Variants in BMAL2 observed in about 807,000 individuals in gnomAD.
BMAL2 encodes the protein basic helix-loop-helix ARNT-like protein 2.
chr12:27,413,243 G>C, the BMAL2 span, among the ~76,000 whole-genome samples: 1 of 152,150 alleles, frequency 6.6e-6, no homozygotes, highest in Non-Finnish European at 1.5e-5. Context: ...CTCTAATACT[G>C]TAATGGTAGT....
At chr12:27,392,283 C>T in the BMAL2 span, among the ~76,000 whole-genome samples, 1 of 152,186 alleles carries the variant, frequency 6.6e-6, no homozygotes. Flanking sequence ...ACGTGCTTAG[C>T]CTGGTTCCCA....
the BMAL2 span, among the ~76,000 whole-genome samples, chr12:27,414,290 A>G: frequency 2.6e-5 from 4 of 152,224 alleles, no homozygotes; most frequent in Admixed American, 1.3e-4. Flanking sequence ...AACAACATCA[A>G]TATGGAAACA....
the BMAL2 span, among the ~76,000 whole-genome samples, chr12:27,363,870 C>CT: frequency 1.3e-5 from 2 of 152,070 alleles, no homozygotes; most frequent in Admixed American, 1.3e-4. Context: ...TTGGGAATTT[C>CT]TTTCTATGAA....
chr12:27,364,116 C>T, the BMAL2 span, among the ~76,000 whole-genome samples: 2 of 151,924 alleles, frequency 1.3e-5, no homozygotes, highest in Non-Finnish European at 2.9e-5. Flanking sequence ...AAGGAATGGA[C>T]GGGACAAACT....
chr12:27,334,757 G>A, the BMAL2 span, among the ~76,000 whole-genome samples: 1 of 152,216 alleles, frequency 6.6e-6, no homozygotes, highest in Non-Finnish European at 1.5e-5. Context: ...TTAATTAAGG[G>A]TAGCAATGTT....
the BMAL2 span, among the ~76,000 whole-genome samples, chr12:27,416,192 C>G: frequency 6.6e-6 from 1 of 152,164 alleles, no homozygotes; most frequent in African/African-American, 2.4e-5. Context: ...TACTTAAACT[C>G]TCTGTGCCTC....
chr12:27,355,115 C>T, the BMAL2 span, among the ~76,000 whole-genome samples: 1 of 152,162 alleles, frequency 6.6e-6, no homozygotes, highest in Non-Finnish European at 1.5e-5. Context: ...CGTTATTCCT[C>T]ACTGTCATTT....
At chr12:27,346,751 G>A in the BMAL2 span, among the ~76,000 whole-genome samples, 2 of 152,220 alleles carry the variant, frequency 1.3e-5, no homozygotes, top group Non-Finnish European at 2.9e-5. Context: ...AACCATAGGT[G>A]TGTAGTTGAG....
chr12:27,420,550 C>CA, the BMAL2 span: 2 of 1,538,126 alleles, frequency 1.3e-6, no homozygotes, highest in Non-Finnish European at 1.7e-6. Flanking sequence ...TTTTTAACTC[C>CA]AAAAATGAGA....
chr12:27,353,385 T>C, the BMAL2 span, among the ~76,000 whole-genome samples: 2 of 152,182 alleles, frequency 1.3e-5, no homozygotes, highest in African/African-American at 4.8e-5. Flanking sequence ...AGCAGAAGAT[T>C]GAAAGTGGAC....
At chr12:27,374,802 A>G in the BMAL2 span, among the ~76,000 whole-genome samples, 7 of 152,242 alleles carry the variant, frequency 4.6e-5, no homozygotes, top group African/African-American at 1.4e-4. Context: ...TTGCACAGTC[A>G]TTAACTTTAC....
the BMAL2 span, among the ~76,000 whole-genome samples, chr12:27,340,705 G>A: frequency 6.6e-6 from 1 of 152,084 alleles, no homozygotes; most frequent in South Asian, 2.1e-4. Context: ...GTAGTAGATA[G>A]TCCATTTTAA....
At chr12:27,406,315 A>T in the BMAL2 span, among the ~76,000 whole-genome samples, 1 of 151,864 alleles carries the variant, frequency 6.6e-6, no homozygotes, top group East Asian at 1.9e-4. Context: ...GTTGAAATGA[A>T]GGAAAAAATG....
chr12:27,410,318 C>G, the BMAL2 span, among the ~76,000 whole-genome samples: 1 of 152,316 alleles, frequency 6.6e-6, no homozygotes, highest in African/African-American at 2.4e-5. Context: ...CAGCACTATT[C>G]ACAATAGCAG....
chr12:27,380,256 T>C, the BMAL2 span: 2 of 1,614,064 alleles, frequency 1.2e-6, no homozygotes, highest in Non-Finnish European at 8.5e-7. Flanking sequence ...GAGAAGCTCA[T>C]AGCCAAACTG....
chr12:27,403,546 T>G, the BMAL2 span: 1 of 1,523,252 alleles, frequency 6.6e-7, no homozygotes, highest in Non-Finnish European at 9.0e-7. Context: ...ACAGAGGTAA[T>G]GTTTTATTGC....
At chr12:27,333,068 C>T in the BMAL2 span, 42 of 1,203,664 alleles carry the variant, frequency 3.5e-5, no homozygotes, top group Non-Finnish European at 4.2e-5. Context: ...CAAGTGGCTC[C>T]TGCGATGGCG....
the BMAL2 span, among the ~76,000 whole-genome samples, chr12:27,381,960 A>G: frequency 2.0e-5 from 3 of 152,194 alleles, no homozygotes; most frequent in Non-Finnish European, 4.4e-5. Context: ...AAAGGAAAAT[A>G]TATTTCAGGG....
At chr12:27,401,809 A>G in the BMAL2 span, 1 of 631,770 alleles carries the variant, frequency 1.6e-6, no homozygotes, top group African/African-American at 1.9e-5. Flanking sequence ...TTATCTTTTG[A>G]GTAATTCATT....
Sources: gnomAD v4.1 joint callset for allele counts (sites outside exome capture counted in the v4.1 genomes callset) on GRCh38, gnomAD v4.1.1 for gene constraint, MANE v1.5 for transcripts, NCBI Gene and HGNC (gene_info 2026-07-23, HGNC 2026-07-21) for gene names.